The following FBXO32 variants were observed in gnomAD, a reference collection of about 807,000 sequenced individuals.
FBXO32 encodes the protein F-box only protein 32.
In FBXO32, 15 loss-of-function variants were observed where a neutral mutation model predicts 48.3. That is an observed-to-expected ratio of 0.31 (90% CI 0.21 to 0.48). FBXO32 has a LOEUF of 0.48. Among genes scored for constraint, FBXO32 ranks in the 20% least tolerant of loss-of-function variants. The pLI, the probability that FBXO32 is intolerant of heterozygous loss-of-function variation, is 0.99. For synonymous variants in FBXO32, 154 were observed against 165.9 expected (o/e 0.93, Z 0.55); for missense variants, 309 against 432.7 (o/e 0.71, Z 2.54).
intron 4 of FBXO32, among the ~76,000 whole-genome samples, chr8:123,526,461 A>C (rs865836990): frequency 5.3e-5 from 8 of 152,218 alleles, no homozygotes; most frequent in Non-Finnish European, 8.8e-5. Flanking sequence ...TCCTGACCTC[A>C]AGTGAGCTGC....
At chr8:123,509,111 T>A (rs1257732263) in intron 6 of FBXO32, among the ~76,000 whole-genome samples, 8 of 152,188 alleles carry the variant, frequency 5.3e-5, no homozygotes, top group Admixed American at 5.2e-4. Flanking sequence ...TCTCTTAATT[T>A]GTTTCCTTCA....
At chr8:123,517,768 A>C (rs2130526081) in intron 4 of FBXO32, among the ~76,000 whole-genome samples, 2 of 152,310 alleles carry the variant, frequency 1.3e-5, no homozygotes, top group South Asian at 4.1e-4. Flanking sequence ...AAGACTACTT[A>C]CTTCACAGGA....
chr8:123,504,842 T>C, intron 7 of FBXO32, 95 bp from the exon 8 acceptor site: 5 of 1,225,858 alleles, frequency 4.1e-6, no homozygotes, highest in Admixed American at 2.1e-5. Flanking sequence ...TCTCACCCTT[T>C]CCCCCTCTTT....
chr8:123,531,859 G>T, intron 4 of FBXO32, 39 bp downstream of exon 4: 1 of 1,605,310 alleles, frequency 6.2e-7, no homozygotes, highest in East Asian at 2.2e-5. Flanking sequence ...TTCAACTTGG[G>T]AAAGAGCCTG....
intron 3 of FBXO32, among the ~76,000 whole-genome samples, chr8:123,532,694 T>C (rs1817233065): frequency 6.6e-6 from 1 of 152,222 alleles, no homozygotes; most frequent in Non-Finnish European, 1.5e-5. Flanking sequence ...CAAATGCCTG[T>C]GCAGAGAGAA....
intron 4 of FBXO32, among the ~76,000 whole-genome samples, chr8:123,515,137 T>C (rs994567100): frequency 6.6e-6 from 1 of 152,202 alleles, no homozygotes; most frequent in African/African-American, 2.4e-5. Flanking sequence ...TAATACAAGG[T>C]AGAGTCAATA....
At chr8:123,507,621 C>T (rs1816656560) in intron 6 of FBXO32, among the ~76,000 whole-genome samples, 1 of 152,108 alleles carries the variant, frequency 6.6e-6, no homozygotes. Flanking sequence ...CAATTAATGG[C>T]GAGCTTCTCC....
intron 7 of FBXO32, among the ~76,000 whole-genome samples, chr8:123,505,054 G>A (rs975894322): frequency 1.1e-4 from 17 of 152,212 alleles, no homozygotes; most frequent in African/African-American, 3.9e-4. Context: ...GGTGATCTCA[G>A]TAAACAACTT....
At chr8:123,534,929 CAAAAT>C (rs1169519444) in intron 1 of FBXO32, 115 bp from the exon 2 acceptor site, 1 of 555,864 alleles carries the variant, frequency 1.8e-6, no homozygotes, top group African/African-American at 1.9e-5. Context: ...GCTTCTCAAA[CAAAAT>C]AAAACAATAA....
At position 123,513,730 on chromosome 8, in the gene FBXO32, A is replaced by G. The variant is rs1816781668; in HGVS notation, c.467-348T>C. ...GTTTAGGACAGTCAGTGGAAGGAGCATGGTTTCAGGGGTTTGGAGCCTGGG... is the reference window on the plus strand; with the variant it reads ...GTTTAGGACAGTCAGTGGAAGGAGCGTGGTTTCAGGGGTTTGGAGCCTGGG... On this transcript the variant is annotated intron_variant, in intron 5 of 8. Coordinates refer to ENST00000517956, the MANE Select transcript of FBXO32 (RefSeq NM_058229.4). This position sits in a 1 kb window ranked among gnomAD's most constrained non-coding sequence, Gnocchi z 4.3. Among the ~76,000 whole-genome samples, 1 of 152,148 alleles carries G rather than the reference A, an allele frequency of 6.6e-6. No homozygotes were observed. The highest frequency in any genetic ancestry group is 1.5e-5 in the Non-Finnish European group (1 of 68,032).
Position 123,506,684 on chromosome 8 carries a change from T to C in FBXO32, c.652-110A>G. On this transcript the variant is annotated intron_variant, in intron 6 of 8. Transcript: ENST00000517956. This position sits in a 1 kb window ranked among gnomAD's most constrained non-coding sequence, Gnocchi z 4.0. ...CGTCCTCCACCCTCAAGGCAGTTTA[T>C]TGATAAGAGGTCGAAAGCAGTAGTA... is the stretch of plus-strand genomic sequence containing the variant. The C allele has an allele frequency of 6.7e-6, 6 of 900,766 alleles. No homozygotes were observed. The highest frequency in any genetic ancestry group is 2.5e-5 in the East Asian group (1 of 39,230). The allele number at this position is 900,766 out of a possible 1,614,324, so 55.8% of individuals were successfully genotyped here. A position where few individuals can be genotyped will look rare whatever the true frequency, so the allele number is the denominator to read the frequency against.
Position 123,540,983 on chromosome 8 carries a change from G to T in FBXO32, c.32C>A (p.Pro11His). The change falls in exon 1 of 9, where the codon CCC becomes CAC. Residue 11 changes from proline to histidine, a missense_variant. Coordinates refer to ENST00000517956, the MANE Select transcript of FBXO32 (RefSeq NM_058229.4). The surrounding 1 kb of genome is among the most constrained non-coding windows in gnomAD (Gnocchi z 6.4). MPFLGQDWRS[P>H]GQNWVKTADG... ...GGCCGTCTTCACCCAGTTCTGCCCG[G>T]GGGACCGCCAGTCCTGCCCGAGGAA... The T allele has an allele frequency of 1.9e-6, 3 of 1,612,360 alleles. No individual in the cohort carries two copies. The highest frequency in any genetic ancestry group is 2.5e-6 in the Non-Finnish European group (3 of 1,179,158).
At chr8:123,510,449 C>CA (rs35470498) in intron 6 of FBXO32, among the ~76,000 whole-genome samples, 1 of 151,880 alleles carries the variant, frequency 6.6e-6, no homozygotes. Flanking sequence ...CTGTCTCTAC[C>CA]AAAAAATACA....
intron 1 of FBXO32, among the ~76,000 whole-genome samples, chr8:123,537,315 C>T (rs2130563237): frequency 6.6e-6 from 1 of 151,806 alleles, no homozygotes; most frequent in East Asian, 1.9e-4. Flanking sequence ...CAGCAAGTCG[C>T]TATTTTGTAG....
intron 4 of FBXO32, among the ~76,000 whole-genome samples, chr8:123,519,408 G>A (rs937931844): frequency 6.6e-5 from 10 of 151,812 alleles, no homozygotes; most frequent in African/African-American, 1.5e-4. Flanking sequence ...AAAATTAGCC[G>A]GATGCGGTGG....
chr8:123,528,243 G>A (rs1349924754), intron 4 of FBXO32, among the ~76,000 whole-genome samples: 1 of 152,160 alleles, frequency 6.6e-6, no homozygotes. Flanking sequence ...TCACTGCAGA[G>A]CCATTACATG....
At chr8:123,516,733 C>T (rs142290810) in intron 4 of FBXO32, among the ~76,000 whole-genome samples, 1 of 152,064 alleles carries the variant, frequency 6.6e-6, no homozygotes, top group African/African-American at 2.4e-5. Flanking sequence ...CCTTTTTCTC[C>T]CTGGCTTCTG....
intron 6 of FBXO32, among the ~76,000 whole-genome samples, chr8:123,510,675 T>C (rs1816718173): frequency 6.6e-6 from 1 of 152,156 alleles, no homozygotes; most frequent in Non-Finnish European, 1.5e-5. Context: ...TGTTTTCCAA[T>C]TGTGTTCCTT....
chr8:123,533,904 G>A (rs1331690999), intron 2 of FBXO32, among the ~76,000 whole-genome samples: 1 of 151,640 alleles, frequency 6.6e-6, no homozygotes, highest in Non-Finnish European at 1.5e-5. Flanking sequence ...ACCAGCCTGG[G>A]CAACATGGCG....
Sources: gnomAD v4.1 joint callset for allele counts (sites outside exome capture counted in the v4.1 genomes callset) on GRCh38, gnomAD v4.1.1 for gene constraint, Gnocchi (gnomAD v3.1) non-coding constraint, MANE v1.5 for transcripts, NCBI Gene and HGNC (gene_info 2026-07-23, HGNC 2026-07-21) for gene names.